Variants in SOX5 observed in about 807,000 individuals in gnomAD.
The protein encoded by SOX5 is transcription factor SOX-5.
A neutral mutation model predicts 92.0 loss-of-function variants in SOX5; 9 were observed. The observed-to-expected ratio is 0.10, with a 90% CI of 0.06 to 0.17. The LOEUF is 0.17. Ranked by LOEUF, SOX5 falls within the 10% of genes least tolerant of loss-of-function variation. The pLI, the probability that SOX5 is intolerant of heterozygous loss-of-function variation, is 1.00. For synonymous variants in SOX5, 344 were observed against 336.3 expected (o/e 1.02, Z -0.25); for missense variants, 642 against 944.5 (o/e 0.68, Z 4.20).
At chr12:24,208,719 A>G (rs1299682968) in intron 4 of SOX5, among the ~76,000 whole-genome samples, 1 of 152,218 alleles carries the variant, frequency 6.6e-6, no homozygotes, top group Non-Finnish European at 1.5e-5. Flanking sequence ...ACATGCTATT[A>G]GAAAGCACTT....
chr12:24,516,590 T>C (rs1949812177), intron 1 of SOX5, among the ~76,000 whole-genome samples: 1 of 152,204 alleles, frequency 6.6e-6, no homozygotes. Flanking sequence ...CTTTGATACT[T>C]ACCCCTTGAA....
chr12:24,457,813 C>G (rs1181448870), intron 1 of SOX5, among the ~76,000 whole-genome samples: 2 of 152,086 alleles, frequency 1.3e-5, no homozygotes, highest in Non-Finnish European at 2.9e-5. Flanking sequence ...ATGACTACCA[C>G]TGGTTTTGAG....
At chr12:24,505,829 A>ATGTGTG (rs35993008) in intron 1 of SOX5, among the ~76,000 whole-genome samples, 6,142 of 124,652 alleles carry the variant, frequency 0.049, 143 homozygotes, top group Middle Eastern at 0.072. Context: ...AAGGCTTGGT[A>ATGTGTG]TGTGTGTGTG....
At chr12:23,560,552 G>A (rs1379243186) in intron 11 of SOX5, among the ~76,000 whole-genome samples, 1 of 152,074 alleles carries the variant, frequency 6.6e-6, no homozygotes, top group African/African-American at 2.4e-5. Flanking sequence ...TCCTATAGGT[G>A]GGCTCACACA....
intron 4 of SOX5, among the ~76,000 whole-genome samples, chr12:24,113,255 TAA>T (rs10717747): frequency 2.2e-3 from 262 of 118,128 alleles, no homozygotes; most frequent in East Asian, 5.7e-3. Flanking sequence ...TGTAGAATCA[TAA>T]AAAAAAAAAA....
chr12:23,537,042 A>G (rs1024004357), intron 13 of SOX5, among the ~76,000 whole-genome samples: 8 of 152,174 alleles, frequency 5.3e-5, no homozygotes, highest in African/African-American at 1.9e-4. Context: ...GAGACTAATT[A>G]TCTAGTTATT....
At chr12:23,576,231 C>T (rs1192771806) in intron 9 of SOX5, among the ~76,000 whole-genome samples, 1 of 151,750 alleles carries the variant, frequency 6.6e-6, no homozygotes, top group Non-Finnish European at 1.5e-5. Flanking sequence ...GGATCTGATG[C>T]ATCTTTGTAC....
At chr12:23,814,816 G>C (rs562195324) in intron 3 of SOX5, among the ~76,000 whole-genome samples, 1 of 152,224 alleles carries the variant, frequency 6.6e-6, no homozygotes, top group East Asian at 1.9e-4. Flanking sequence ...TAGAAAAAAT[G>C]TAACTATCCA....
chr12:23,756,038 T>G (rs2094360857), intron 3 of SOX5, among the ~76,000 whole-genome samples: 1 of 151,812 alleles, frequency 6.6e-6, no homozygotes, highest in South Asian at 2.1e-4. Flanking sequence ...CTTGTCAATT[T>G]CAGGGTGTTA....
At chr12:24,408,477 C>T (rs1167802613) in intron 1 of SOX5, among the ~76,000 whole-genome samples, 1 of 152,126 alleles carries the variant, frequency 6.6e-6, no homozygotes, top group Non-Finnish European at 1.5e-5. Flanking sequence ...AGTCAAGATA[C>T]AGAACATTTC....
At chr12:24,506,436 A>G (rs541580470) in intron 1 of SOX5, among the ~76,000 whole-genome samples, 1 of 143,622 alleles carries the variant, frequency 7.0e-6, no homozygotes, top group Admixed American at 7.1e-5. Context: ...GAGAGATGCA[A>G]TAATGATTAC....
At chr12:23,599,477 G>A (rs2137359373) in intron 9 of SOX5, among the ~76,000 whole-genome samples, 1 of 152,366 alleles carries the variant, frequency 6.6e-6, no homozygotes, top group Middle Eastern at 3.4e-3. Context: ...CTTGGGGTAT[G>A]ACCAGGGTCA....
chr12:23,568,574 A>ATT (rs1295748326), intron 10 of SOX5, among the ~76,000 whole-genome samples: 1 of 152,138 alleles, frequency 6.6e-6, no homozygotes, highest in Non-Finnish European at 1.5e-5. Context: ...GATATGCAGC[A>ATT]TGTCTGGCAC....
intron 9 of SOX5, 37 bp downstream of exon 9, chr12:23,604,350 G>A (rs2074964596): frequency 5.0e-6 from 8 of 1,608,592 alleles, no homozygotes; most frequent in Non-Finnish European, 6.8e-6. Context: ...GAAAAATAAA[G>A]CTAAGTGGCA....
At chr12:24,184,701 T>C (rs1393280110) in intron 4 of SOX5, among the ~76,000 whole-genome samples, 1 of 152,128 alleles carries the variant, frequency 6.6e-6, no homozygotes, top group African/African-American at 2.4e-5. Flanking sequence ...ATTACCTGGC[T>C]GAAGGATCTA....
chr12:23,995,129 C>A (rs1950915245), intron 4 of SOX5, among the ~76,000 whole-genome samples: 1 of 152,114 alleles, frequency 6.6e-6, no homozygotes, highest in South Asian at 2.1e-4. Context: ...ATGTTAAAAA[C>A]TAACAAGATT....
chr12:24,204,114 T>C (rs1957793650), intron 4 of SOX5, among the ~76,000 whole-genome samples: 1 of 152,110 alleles, frequency 6.6e-6, no homozygotes, highest in Non-Finnish European at 1.5e-5. Context: ...TAATTTCTGG[T>C]TTGTCCTTCC....
Position 24,330,363 on chromosome 12 carries a change from G to A in SOX5, c.-174+38200C>T, listed in dbSNP as rs147007721. On this transcript the variant is annotated intron_variant, in intron 2 of 4. Coordinates refer to the SOX5 transcript ENST00000446891. ...GTTCAAGATGAAAGGAAAAAAAGGG[G>A]GAAAAGCTCGTTTGTACAAAGGTGT... Among the ~76,000 whole-genome samples the A allele has an allele frequency of 1.1e-4, 17 of 152,274 alleles. No individual in the cohort carries two copies. In the East Asian group the frequency reaches 3.3e-3, roughly 29 times the overall value.
At position 23,779,788 on chromosome 12, in the gene SOX5, A is replaced by AATATATATAT. The variant is rs1172787679; in HGVS notation, c.482-24074_482-24065dup. The stretch of plus-strand genomic sequence containing the variant: ...TTGAATCTTCAATTTCACAGATTAA[A>AATATATATAT]ATATATATATATATATATATATATA... On this transcript the variant is annotated intron_variant, in intron 3 of 14. Transcript: ENST00000451604. 8.3e-3 allele frequency among the ~76,000 whole-genome samples: 917 copies of AATATATATAT among 110,388 alleles called. 7 individuals are homozygous for AATATATATAT. The highest frequency in any genetic ancestry group is 0.02 in the East Asian group (71 of 3,486). The allele number at this position is 110,388 out of a possible 152,430, so 72.4% of individuals were successfully genotyped here.
Sources: allele counts gnomAD v4.1 joint callset (sites outside exome capture counted in the v4.1 genomes callset), GRCh38; gene constraint gnomAD v4.1.1; transcripts MANE v1.5; gene names NCBI Gene and HGNC (gene_info 2026-07-23, HGNC 2026-07-21).